The following VTCN1 variants were observed in gnomAD, a reference collection of about 807,000 sequenced individuals.
VTCN1 encodes V-set domain-containing T-cell activation inhibitor 1.
Under a neutral mutation model 26.5 loss-of-function variants are expected in VTCN1, and 26 were observed. The ratio of observed to expected loss-of-function variants is 0.98; its 90% confidence interval spans 0.72 to 1.36. The LOEUF (loss-of-function observed/expected upper bound fraction) is 1.36, where lower values mean the gene tolerates loss of function less well. Ranked by LOEUF, VTCN1 falls within the 40% of genes most tolerant of loss-of-function variation. The pLI, the probability that VTCN1 is intolerant of heterozygous loss-of-function variation, is 0.00. For missense variants in VTCN1, 298 were observed against 337.7 expected (o/e 0.88, Z 0.92); for synonymous variants, 116 against 130.7 (o/e 0.89, Z 0.77).
intron 1 of VTCN1, among the ~76,000 whole-genome samples, chr1:117,178,001 C>T (rs1312740728): frequency 2.1e-5 from 3 of 143,742 alleles, no homozygotes; most frequent in Admixed American, 7.1e-5. Flanking sequence ...TGCAGTGGTG[C>T]GATGGTGGGT....
At chr1:117,170,225 C>T (rs1652833028) in intron 1 of VTCN1, 54 bp from the exon 2 acceptor site, 2 of 1,538,964 alleles carry the variant, frequency 1.3e-6, no homozygotes, top group Non-Finnish European at 1.8e-6. Context: ...TCTTGATGTG[C>T]TGCTTTGCAA....
chr1:117,192,559 C>A (rs1254681032), intron 1 of VTCN1, among the ~76,000 whole-genome samples: 2 of 152,058 alleles, frequency 1.3e-5, no homozygotes, highest in African/African-American at 4.8e-5. Context: ...AGTTAAAAGA[C>A]AACAGTATTA....
intron 1 of VTCN1, among the ~76,000 whole-genome samples, chr1:117,208,683 T>G (rs1260471806): frequency 6.6e-6 from 1 of 152,076 alleles, no homozygotes; most frequent in Non-Finnish European, 1.5e-5. Context: ...ACAGCCATGA[T>G]GGGGAGAGGG....
In VTCN1 at chr1:117,204,726, T is replaced by C. The variant is rs191027724; in HGVS notation, c.32+6098A>G. On this transcript the variant is annotated intron_variant, in intron 1 of 5. Coordinates refer to ENST00000369458, the MANE Select transcript of VTCN1 (RefSeq NM_024626.4). ...CTAAAAATACAAAAAATTAGCTGGG[T>C]GTGGTGGCATGCACCTGTAGTCCCA... 4.4e-3 allele frequency among the ~76,000 whole-genome samples: 661 copies of C among 151,890 alleles called. 7 individuals carry two copies. Among genetic ancestry groups the C allele is most frequent in the African/African-American group, 0.015 (635 of 41,408 alleles).
chr1:117,183,255 T>A lies in VTCN1; in HGVS notation c.33-13084A>T, dbSNP rs1434305256. ...CCTTCGTTCCTATTATTTTTCAAGT[T>A]CTTGGAACATGCAAGGAACTTACCA... On this transcript the variant is annotated intron_variant, in intron 1 of 5. Coordinates refer to ENST00000369458, the MANE Select transcript of VTCN1 (RefSeq NM_024626.4). The surrounding 1 kb of genome is among the most constrained non-coding windows in gnomAD (Gnocchi z 4.1). 1.3e-5 allele frequency among the ~76,000 whole-genome samples: 2 copies of A among 152,216 alleles called. No individual in the cohort carries two copies. The highest frequency in any genetic ancestry group is 2.9e-5 in the Non-Finnish European group (2 of 68,050).
chr1:117,158,516 A>T (rs982718219), intron 2 of VTCN1, among the ~76,000 whole-genome samples: 2 of 152,216 alleles, frequency 1.3e-5, no homozygotes, highest in Non-Finnish European at 2.9e-5. Context: ...GGCTGCACAC[A>T]GCATGGGGAC....
chr1:117,175,054 G>A lies in VTCN1; in HGVS notation c.33-4883C>T, dbSNP rs1043597517. On this transcript the variant is annotated intron_variant, in intron 1 of 5. Coordinates refer to ENST00000369458, the MANE Select transcript of VTCN1 (RefSeq NM_024626.4). This position sits in a 1 kb window ranked among gnomAD's most constrained non-coding sequence, Gnocchi z 4.2. The stretch of plus-strand genomic sequence containing the variant: ...GAATTCTGTCTCCATTCCTGAGGAG[G>A]GCCTGGTTCGATTCCCTCACATGCC... 1.3e-5 allele frequency among the ~76,000 whole-genome samples: 2 copies of A among 152,112 alleles called. No homozygotes were observed. Among genetic ancestry groups the A allele is most frequent in the Admixed American group, 6.5e-5 (1 of 15,270 alleles).
intron 1 of VTCN1, among the ~76,000 whole-genome samples, chr1:117,194,864 A>G (rs4659190): frequency 0.79 from 119,563 of 152,166 alleles, 47,171 homozygotes; most frequent in East Asian, 0.99. Context: ...GCCAGGGGAT[A>G]GGGGTTAGGG....
chr1:117,152,544 A>G (rs1651854557), intron 4 of VTCN1, among the ~76,000 whole-genome samples: 1 of 152,120 alleles, frequency 6.6e-6, no homozygotes, highest in South Asian at 2.1e-4. Flanking sequence ...GTGCTGGGAG[A>G]CCAGTTCCAT....
chr1:117,204,459 T>A (rs1648943150), intron 1 of VTCN1, among the ~76,000 whole-genome samples: 1 of 152,154 alleles, frequency 6.6e-6, no homozygotes, highest in Non-Finnish European at 1.5e-5. Flanking sequence ...AGTAAGTATG[T>A]ATGAAGTCTT....
At chr1:117,151,480 G>C (rs577880048) in intron 4 of VTCN1, among the ~76,000 whole-genome samples, 2 of 152,278 alleles carry the variant, frequency 1.3e-5, no homozygotes, top group East Asian at 3.9e-4. Context: ...GGTTGCTGCT[G>C]CTGGCTCCAG....
chr1:117,170,852 A>G (rs1652872666), intron 1 of VTCN1, among the ~76,000 whole-genome samples: 1 of 152,106 alleles, frequency 6.6e-6, no homozygotes, highest in Non-Finnish European at 1.5e-5. Flanking sequence ...TTTTTATTTT[A>G]TTTTACTTTA....
chr1:117,210,815 ATATACTACC>A lies in VTCN1; in HGVS notation c.32_32+8del. The A allele has an allele frequency of 6.2e-7, 1 of 1,614,004 alleles. No homozygotes were observed. Among genetic ancestry groups the A allele is most frequent in the South Asian group, 1.1e-5 (1 of 91,084 alleles). ...CACCCATAAGGATAGAGAGAAGAGT[ATATACTACC>A]TCCAGAAGAGGATCTGCCCCAGGGA... On this transcript the variant is annotated splice_donor_variant and splice_donor_5th_base_variant and coding_sequence_variant and intron_variant, in exon 1 of 6. Coordinates refer to ENST00000369458, the MANE Select transcript of VTCN1 (RefSeq NM_024626.4). LOFTEE classifies it high-confidence loss of function.
At chr1:117,166,472 T>C (rs1345356451) in intron 2 of VTCN1, among the ~76,000 whole-genome samples, 1 of 151,952 alleles carries the variant, frequency 6.6e-6, no homozygotes, top group African/African-American at 2.4e-5. Context: ...TAAGCCTTAG[T>C]GGCCTGGCGC....
At chr1:117,163,101 G>A (rs558269162) in intron 2 of VTCN1, among the ~76,000 whole-genome samples, 9 of 152,350 alleles carry the variant, frequency 5.9e-5, no homozygotes, top group East Asian at 1.9e-4. Flanking sequence ...ACCTGTGAGT[G>A]TCACTCTTGC....
chr1:117,201,192 C>T (rs1648770283), intron 1 of VTCN1, among the ~76,000 whole-genome samples: 1 of 152,080 alleles, frequency 6.6e-6, no homozygotes, highest in African/African-American at 2.4e-5. Flanking sequence ...GAATAAGGTC[C>T]AACTTATAAA....
At chr1:117,152,952 G>C in intron 4 of VTCN1, 139 bp downstream of exon 4, 1 of 976,186 alleles carries the variant, frequency 1.0e-6, no homozygotes, top group Non-Finnish European at 1.5e-6. Context: ...ATCTCAACTG[G>C]AATTGAGTGA....
In VTCN1 at chr1:117,187,486, A is replaced by G. The variant is rs558943768; in HGVS notation, c.33-17315T>C. On this transcript the variant is annotated intron_variant, in intron 1 of 5. Transcript: ENST00000369458. ...AGGATCCTGTCAGTGCATTTGTGAG[A>G]TACACAGACTCCTCCTTCTTTAGTG... Among the ~76,000 whole-genome samples the G allele has an allele frequency of 6.6e-5, 10 of 152,246 alleles. No homozygotes were observed. In the South Asian group the frequency reaches 1.7e-3, roughly 25 times the overall value.
Position 117,153,315 on chromosome 1 carries a change from C to T in VTCN1, c.500G>A (p.Arg167Gln), listed in dbSNP as rs771525947. 82 of 1,613,888 alleles carry T rather than the reference C, an allele frequency of 5.1e-5. No individual in the cohort carries two copies. Among genetic ancestry groups the T allele is most frequent in the South Asian group, 6.6e-5 (6 of 91,066 alleles). Residue 167 changes from arginine to glutamine, a missense_variant, in exon 4 of 6, where the codon CGG (arginine) becomes CAG (glutamine). Transcript: ENST00000369458. ...GGGGAACCATCGGGGAGCCTCACAC[C>T]GCAAGGTCTCTGAGCTGGCATTATA... ...VDYNASSETL[R>Q]CEAPRWFPQP... is the part of the protein sequence containing the mutation.
Sources: allele counts gnomAD v4.1 joint callset (sites outside exome capture counted in the v4.1 genomes callset), GRCh38; gene constraint gnomAD v4.1.1; non-coding constraint Gnocchi (gnomAD v3.1); transcripts MANE v1.5; gene names NCBI Gene and HGNC (gene_info 2026-07-23, HGNC 2026-07-21).